Variants in CACNA1H observed in about 807,000 individuals in gnomAD.
CACNA1H encodes voltage-dependent T-type calcium channel subunit alpha-1H.
In CACNA1H, 149 loss-of-function variants were observed where a neutral mutation model predicts 192.5. The observed-to-expected ratio is 0.77, with a 90% confidence interval of 0.68 to 0.89. The LOEUF (loss-of-function observed/expected upper bound fraction) is 0.89, where lower values mean the gene tolerates loss of function less well. CACNA1H is among the 40% of genes least tolerant of loss of function. The pLI is 0.00. For missense variants in CACNA1H, 4,257 were observed against 3,423.5 expected, an observed-to-expected ratio of 1.24 and a Z score of -6.08; for synonymous variants, 2,202 against 1,475.2, an observed-to-expected ratio of 1.49 and a Z score of -11.29.
At chr16:1,189,136 G>C (rs767948383) in intron 2 of CACNA1H, among the ~76,000 whole-genome samples, 10 of 152,180 alleles carry the variant, frequency 6.6e-5, no homozygotes, top group Admixed American at 2.6e-4. Context: ...GGGAAGTGGC[G>C]GTGTGCAACA....
chr16:1,168,202 C>T (rs953718462), intron 2 of CACNA1H, among the ~76,000 whole-genome samples: 1 of 151,938 alleles, frequency 6.6e-6, no homozygotes, highest in Non-Finnish European at 1.5e-5. Context: ...ATCCCCCCCC[C>T]CAAGTGACAG....
In CACNA1H at chr16:1,202,422, GAGA is replaced by G. The variant is rs753052647; in HGVS notation, c.1976_1978del (p.Lys659del). ...GAGCTTGAACAGCCCTGATCCCTAC[GAGA>G]AGATCCCGCATGTGGTCGGGGAGCA... On this transcript the variant is annotated inframe_deletion, in exon 9 of 35. Transcript: ENST00000348261. 26 of 1,515,026 alleles carry G rather than the reference GAGA, an allele frequency of 1.7e-5. No homozygotes were observed. The highest frequency in any genetic ancestry group is 2.7e-6 in the Non-Finnish European group (3 of 1,127,706). 93.8% of individuals were successfully genotyped at this position (1,515,026 alleles called of 1,614,324 possible).
chr16:1,183,964 G>T (rs1224146647), intron 2 of CACNA1H, among the ~76,000 whole-genome samples: 1 of 152,238 alleles, frequency 6.6e-6, no homozygotes, highest in Non-Finnish European at 1.5e-5. Context: ...CCTGGGGAAG[G>T]TGCGTCTGCC....
At position 1,167,551 on chromosome 16, in the gene CACNA1H, G is replaced by C. The variant is rs1044780531; in HGVS notation, c.299+13515G>C. On this transcript the variant is annotated intron_variant, in intron 2 of 34. Transcript: ENST00000348261. This position sits in a 1 kb window ranked among gnomAD's most constrained non-coding sequence, Gnocchi z 4.2. ...GGTTTCCTGTTACCTTTGCCAAGTC[G>C]AGGAAGGCTGGAGCCACACTCCTCA... Among the ~76,000 whole-genome samples the C allele has an allele frequency of 6.6e-6, 1 of 152,178 alleles. No individual in the cohort carries two copies. The highest frequency in any genetic ancestry group is 1.5e-5 in the Non-Finnish European group (1 of 68,032).
At chr16:1,197,332 G>A (rs1215218465) in intron 5 of CACNA1H, among the ~76,000 whole-genome samples, 1 of 152,234 alleles carries the variant, frequency 6.6e-6, no homozygotes, top group African/African-American at 2.4e-5. Flanking sequence ...GGCACCCACT[G>A]TACGTTCAGT....
intron 2 of CACNA1H, among the ~76,000 whole-genome samples, chr16:1,186,725 C>G (rs1007866574): frequency 6.6e-5 from 10 of 152,188 alleles, no homozygotes; most frequent in African/African-American, 2.4e-4. Context: ...CAACGGGTGG[C>G]CACGTAATGC....
At chr16:1,188,203 G>T (rs187567180) in intron 2 of CACNA1H, among the ~76,000 whole-genome samples, 1 of 152,324 alleles carries the variant, frequency 6.6e-6, no homozygotes, top group Admixed American at 6.5e-5. Flanking sequence ...GGATACGTGA[G>T]CCAGCGGGTC....
chr16:1,179,763 C>A (rs1020189079), intron 2 of CACNA1H, among the ~76,000 whole-genome samples: 7 of 104,898 alleles, frequency 6.7e-5, no homozygotes, highest in African/African-American at 2.7e-4. Flanking sequence ...GAGATGGAGT[C>A]TTGCTCTGTC....
chr16:1,193,196 G>A lies in CACNA1H; in HGVS notation c.300-1776G>A, dbSNP rs118132803. 8.4e-3 allele frequency among the ~76,000 whole-genome samples: 1,274 copies of A among 152,226 alleles called. 11 individuals are homozygous for A. The highest frequency in any genetic ancestry group is 0.013 in the Non-Finnish European group (878 of 67,982). The stretch of plus-strand genomic sequence containing the variant: ...TTTACCCAAGAAAACCCCTCCCCTC[G>A]GGAAATGATGGCCCTCAGAGATGCA... On this transcript the variant is annotated intron_variant, in intron 2 of 34. Coordinates refer to ENST00000348261, the MANE Select transcript of CACNA1H (RefSeq NM_021098.3).
At chr16:1,177,049 G>A (rs780488894) in intron 2 of CACNA1H, among the ~76,000 whole-genome samples, 20 of 152,086 alleles carry the variant, frequency 1.3e-4, no homozygotes, top group Admixed American at 2.6e-4. Flanking sequence ...CAGGCCCTCC[G>A]CACCTTCTCT....
intron 1 of CACNA1H, 23 bp downstream of exon 1, chr16:1,153,493 G>T (rs1031889400): frequency 4.0e-6 from 1 of 248,320 alleles, no homozygotes; most frequent in African/African-American, 2.3e-5. Context: ...GAGGACGCGC[G>T]CCCGGGACCC....
chr16:1,207,157 G>T (rs1425954324), intron 13 of CACNA1H, 39 bp downstream of exon 13: 1 of 1,555,102 alleles, frequency 6.4e-7, no homozygotes, highest in Non-Finnish European at 8.7e-7. Flanking sequence ...TGGGTGCTGA[G>T]TGTGGTCCCC....
chr16:1,206,961 CCT>C, intron 12 of CACNA1H, 38 bp from the exon 13 acceptor site: 1 of 1,096,840 alleles, frequency 9.1e-7, no homozygotes, highest in Non-Finnish European at 1.3e-6. Flanking sequence ...TCAGCACACC[CCT>C]GCCTCCACCC....
chr16:1,189,916 A>G (rs534313745), intron 2 of CACNA1H, among the ~76,000 whole-genome samples: 5 of 152,196 alleles, frequency 3.3e-5, no homozygotes, highest in African/African-American at 1.2e-4. Flanking sequence ...TGCCTGGGGA[A>G]CATGTCATCC....
chr16:1,218,823 G>A lies in CACNA1H; in HGVS notation c.5888-147G>A. ...GGATGGAGGCCAGATTGAGGAGGCT[G>A]GGTGTGGGCAGGTGAGAGAGAGGAC... On this transcript the variant is annotated intron_variant, in intron 33 of 34. Transcript: ENST00000348261. 4.5e-6 allele frequency: 5 copies of A among 1,100,140 alleles called. No homozygotes were observed. In the South Asian group the frequency reaches 7.6e-5, roughly 17 times the overall value. The allele number at this position is 1,100,140 out of a possible 1,614,324, so 68.1% of individuals were successfully genotyped here.
At chr16:1,215,454 G>A (rs1969939672) in intron 29 of CACNA1H, 69 bp from the exon 30 acceptor site, 5 of 1,580,876 alleles carry the variant, frequency 3.2e-6, no homozygotes, top group Admixed American at 3.5e-5. Context: ...TGAGGGGCGG[G>A]GCGGCCAGGG....
At position 1,204,162 on chromosome 16, in the gene CACNA1H, A is replaced by C; in HGVS notation, c.2155A>C (p.Ser719Arg). The C allele has an allele frequency of 1.2e-6, 2 of 1,612,366 alleles. No individual in the cohort carries two copies. The highest frequency in any genetic ancestry group is 1.7e-6 in the Non-Finnish European group (2 of 1,179,726). Residue 719 changes from serine (S) to arginine (R), a missense_variant, in exon 10 of 35, where the codon AGT becomes CGT. Ser to Arg is a moderately radical substitution (Grantham distance 110). Transcript: ENST00000348261. ...DPEGELSGSE[S>R]GDSDGRGVYE... ...GGAGGGTGAGCTCAGCGGCTCGGAA[A>C]GTGGAGACTCAGATGGCCGTGGCGT...
At chr16:1,212,431 G>A in intron 25 of CACNA1H, 80 bp from the exon 26 acceptor site, 1 of 1,418,214 alleles carries the variant, frequency 7.1e-7, no homozygotes, top group South Asian at 1.2e-5. Flanking sequence ...CGAGACACGG[G>A]GGCTGAGGGA....
intron 5 of CACNA1H, among the ~76,000 whole-genome samples, chr16:1,198,199 C>T (rs979685537): frequency 6.6e-6 from 1 of 152,160 alleles, no homozygotes; most frequent in Non-Finnish European, 1.5e-5. Context: ...CCTCGAGGGC[C>T]ACTGGGCTCC....
Sources: allele counts gnomAD v4.1 joint callset (sites outside exome capture counted in the v4.1 genomes callset), GRCh38; gene constraint gnomAD v4.1.1; non-coding constraint Gnocchi (gnomAD v3.1); transcripts MANE v1.5; gene names NCBI Gene and HGNC (gene_info 2026-07-23, HGNC 2026-07-21).